RAB28: variants seen among roughly 807,000 people sequenced by gnomAD.
RAB28 encodes the protein ras-related protein Rab-28.
In RAB28, 24 loss-of-function variants were observed where a neutral mutation model predicts 31.7. That is an observed-to-expected ratio of 0.76 (90% CI 0.55 to 1.06). The LOEUF is 1.06. Among genes scored for constraint, RAB28 ranks in the 50% least tolerant of loss-of-function variants. RAB28 has a pLI of 0.00. For missense variants in RAB28, 254 were observed against 258.5 expected, an observed-to-expected ratio of 0.98 and a Z score of 0.12; for synonymous variants, 100 against 90.4, an observed-to-expected ratio of 1.11 and a Z score of -0.60.
At chr4:13,456,557 T>C (rs1238626021) in intron 4 of RAB28, among the ~76,000 whole-genome samples, 1 of 152,234 alleles carries the variant, frequency 6.6e-6, no homozygotes, top group East Asian at 1.9e-4. Flanking sequence ...GTAACTTGTA[T>C]GATGTCACAC....
Position 13,460,897 on chromosome 4 carries a change from G to C in RAB28, c.262-69C>G, listed in dbSNP as rs73817404. 4,563 of 1,437,162 alleles carry C rather than the reference G, an allele frequency of 3.2e-3. 122 individuals are homozygous for C. The African/African-American group carries it at 0.057, about 18-fold the overall frequency. The allele number at this position is 1,437,162 out of a possible 1,614,324, so 89.0% of individuals were successfully genotyped here. A position where few individuals can be genotyped will look rare whatever the true frequency, so the allele number is the denominator to read the frequency against. Reference sequence around the variant, plus strand: ...TGAAAAAATCTTAATGAATACTTGCGTAATGCTTCAGATATGTCAAAATGG... The same window carrying C: ...TGAAAAAATCTTAATGAATACTTGCCTAATGCTTCAGATATGTCAAAATGG... On this transcript the variant is annotated intron_variant, in intron 3 of 6. Coordinates refer to ENST00000330852, the MANE Select transcript of RAB28 (RefSeq NM_001017979.3).
At chr4:13,377,737 A>G (rs1728976111) in intron 5 of RAB28, among the ~76,000 whole-genome samples, 3 of 152,228 alleles carry the variant, frequency 2.0e-5, no homozygotes, top group Non-Finnish European at 4.4e-5. Flanking sequence ...AAACAGAATC[A>G]GCAAAGAAAC....
chr4:13,454,585 T>C (rs185978424), intron 4 of RAB28, among the ~76,000 whole-genome samples: 56 of 152,286 alleles, frequency 3.7e-4, no homozygotes, highest in Admixed American at 1.4e-3. Flanking sequence ...ATGCAGTTTC[T>C]TCAGTTGTAA....
At chr4:13,439,465 A>G (rs1714301403) in intron 4 of RAB28, among the ~76,000 whole-genome samples, 1 of 152,110 alleles carries the variant, frequency 6.6e-6, no homozygotes, top group South Asian at 2.1e-4. Context: ...AATAACTCTC[A>G]TGCCTCAGCC....
chr4:13,448,773 T>C (rs770979175), intron 4 of RAB28, among the ~76,000 whole-genome samples: 2 of 152,042 alleles, frequency 1.3e-5, no homozygotes, highest in African/African-American at 4.8e-5. Context: ...TGAAGTATCA[T>C]GTGAGGGAAC....
intron 4 of RAB28, among the ~76,000 whole-genome samples, chr4:13,427,937 A>C (rs1713599683): frequency 2.0e-5 from 3 of 152,194 alleles, no homozygotes. Flanking sequence ...CACGTCTCCA[A>C]AAACGCAGCT....
chr4:13,460,652 A>G, intron 4 of RAB28, 47 bp downstream of exon 4: 3 of 1,611,114 alleles, frequency 1.9e-6, no homozygotes, highest in Middle Eastern at 1.7e-4. Flanking sequence ...TTCTGTCCAC[A>G]ACAGCAAGTA....
At chr4:13,471,581 A>G (rs1221345252) in intron 3 of RAB28, among the ~76,000 whole-genome samples, 2 of 151,868 alleles carry the variant, frequency 1.3e-5, no homozygotes, top group Non-Finnish European at 2.9e-5. Context: ...AGCTCACTCC[A>G]GCCCCAAACT....
At chr4:13,386,739 T>C (rs1237656725) in intron 4 of RAB28, among the ~76,000 whole-genome samples, 1 of 152,186 alleles carries the variant, frequency 6.6e-6, no homozygotes. Context: ...AGCAACCCCA[T>C]TACTGGGTAT....
chr4:13,439,431 C>A (rs751110223), intron 4 of RAB28, among the ~76,000 whole-genome samples: 1 of 151,388 alleles, frequency 6.6e-6, no homozygotes, highest in Admixed American at 6.6e-5. Flanking sequence ...CTCGGCTCAA[C>A]GCAACCTCCA....
chr4:13,472,831 G>GAATAAATAAATA (rs56310587), intron 3 of RAB28, among the ~76,000 whole-genome samples: 4,700 of 150,256 alleles, frequency 0.031, 89 homozygotes, highest in Middle Eastern at 0.061. Flanking sequence ...AACAGAAAAT[G>GAATAAATAAATA]AATAAATAAA....
chr4:13,406,369 T>C (rs1712087033), intron 4 of RAB28, among the ~76,000 whole-genome samples: 1 of 152,216 alleles, frequency 6.6e-6, no homozygotes, highest in South Asian at 2.1e-4. Flanking sequence ...CCATGGTGTA[T>C]ATATAACACA....
At chr4:13,437,689 C>CA (rs1425076445) in intron 4 of RAB28, among the ~76,000 whole-genome samples, 1 of 151,742 alleles carries the variant, frequency 6.6e-6, no homozygotes, top group East Asian at 1.9e-4. Flanking sequence ...ATTTTAAAAT[C>CA]AAAAAATAAC....
intron 4 of RAB28, among the ~76,000 whole-genome samples, chr4:13,413,617 AG>A: frequency 6.6e-6 from 1 of 152,234 alleles, no homozygotes; most frequent in Admixed American, 6.5e-5. Flanking sequence ...TAAAGTTTTA[AG>A]AGAGAAAATG....
chr4:13,382,201 T>C (rs1363062851), intron 4 of RAB28, among the ~76,000 whole-genome samples: 5 of 152,196 alleles, frequency 3.3e-5, no homozygotes, highest in African/African-American at 1.2e-4. Flanking sequence ...GGCAAGGATG[T>C]ATTTCCTTAA....
intron 4 of RAB28, among the ~76,000 whole-genome samples, chr4:13,455,752 T>C (rs1035694334): frequency 2.0e-5 from 3 of 152,162 alleles, no homozygotes; most frequent in South Asian, 2.1e-4. Context: ...GTAAGGAATG[T>C]AGATGTTTGT....
At chr4:13,384,086 C>T (rs1729255804) in intron 4 of RAB28, among the ~76,000 whole-genome samples, 1 of 152,202 alleles carries the variant, frequency 6.6e-6, no homozygotes, top group Non-Finnish European at 1.5e-5. Flanking sequence ...ACCCCACCAC[C>T]TCCAGAGCCT....
intron 6 of RAB28, chr4:13,371,775 G>A (rs1728722460): frequency 1.9e-6 from 3 of 1,546,442 alleles, no homozygotes; most frequent in Non-Finnish European, 2.6e-6. Flanking sequence ...TAGAGAAAAT[G>A]TTACCTATAA....
intron 3 of RAB28, among the ~76,000 whole-genome samples, chr4:13,461,700 T>C (rs1056629867): frequency 1.3e-5 from 2 of 152,226 alleles, no homozygotes; most frequent in African/African-American, 4.8e-5. Context: ...GAAGTATATA[T>C]GCACACAGAA....
Sources: gnomAD v4.1 joint callset for allele counts (sites outside exome capture counted in the v4.1 genomes callset) on GRCh38, gnomAD v4.1.1 for gene constraint, MANE v1.5 for transcripts, NCBI Gene and HGNC (gene_info 2026-07-23, HGNC 2026-07-21) for gene names.